Variants in ARB2A observed in about 807,000 individuals in gnomAD.
ARB2A encodes ARB2 cotranscriptional regulator A, also known as cotranscriptional regulator ARB2A.
At chr5:93,743,960 C>A in the ARB2A span, among the ~76,000 whole-genome samples, 1 of 152,192 alleles carries the variant, frequency 6.6e-6, no homozygotes, top group African/African-American at 2.4e-5. Flanking sequence ...GCCATCGCGC[C>A]TGGCTAACAG....
chr5:93,928,231 A>G, the ARB2A span, among the ~76,000 whole-genome samples: 2 of 152,172 alleles, frequency 1.3e-5, no homozygotes, highest in Non-Finnish European at 2.9e-5. Flanking sequence ...AAGAATTGAG[A>G]AAGAACCGAG....
the ARB2A span, among the ~76,000 whole-genome samples, chr5:94,095,885 C>T: frequency 3.1e-4 from 47 of 152,164 alleles, no homozygotes; most frequent in Middle Eastern, 3.4e-3. Flanking sequence ...TTAGGCCTTT[C>T]CCTGCTCATT....
chr5:93,810,692 G>A, the ARB2A span, among the ~76,000 whole-genome samples: 2 of 152,088 alleles, frequency 1.3e-5, no homozygotes, highest in Admixed American at 1.3e-4. Context: ...AAAGGCATGA[G>A]CCACTGTACC....
the ARB2A span, among the ~76,000 whole-genome samples, chr5:93,808,931 A>T: frequency 1.3e-5 from 2 of 152,048 alleles, no homozygotes; most frequent in Non-Finnish European, 2.9e-5. Flanking sequence ...TATAATATAG[A>T]TACTACCAAG....
At chr5:93,686,265 T>C in the ARB2A span, among the ~76,000 whole-genome samples, 3 of 152,174 alleles carry the variant, frequency 2.0e-5, no homozygotes, top group Non-Finnish European at 4.4e-5. Context: ...ATTCAAAAGA[T>C]GCTTCTTTCT....
the ARB2A span, among the ~76,000 whole-genome samples, chr5:94,042,367 G>A: frequency 5.7e-5 from 8 of 141,010 alleles, no homozygotes; most frequent in Non-Finnish European, 9.1e-5. Flanking sequence ...TAGCCCAGGC[G>A]CGACCTCAGC....
the ARB2A span, among the ~76,000 whole-genome samples, chr5:93,898,159 C>T: frequency 6.6e-6 from 1 of 151,958 alleles, no homozygotes; most frequent in Non-Finnish European, 1.5e-5. Flanking sequence ...ATGAGACATA[C>T]GATTTCTTAT....
At chr5:94,074,502 C>T in the ARB2A span, 1 of 581,704 alleles carries the variant, frequency 1.7e-6, no homozygotes, top group Non-Finnish European at 3.0e-6. Flanking sequence ...GTAATAGTTG[C>T]TGTGAGGGAT....
chr5:94,090,400 C>G, the ARB2A span, among the ~76,000 whole-genome samples: 1 of 152,140 alleles, frequency 6.6e-6, no homozygotes. Context: ...GTTGAAGTTG[C>G]TTATCAGCTT....
At chr5:93,912,447 T>C in the ARB2A span, among the ~76,000 whole-genome samples, 1 of 151,814 alleles carries the variant, frequency 6.6e-6, no homozygotes, top group Non-Finnish European at 1.5e-5. Context: ...TTTGAGTTTT[T>C]ATTTCATTAT....
At chr5:93,982,780 C>A in the ARB2A span, among the ~76,000 whole-genome samples, 17 of 152,178 alleles carry the variant, frequency 1.1e-4, no homozygotes, top group Non-Finnish European at 1.9e-4. Context: ...AAGGGAAGGG[C>A]ACAGTGGCTC....
chr5:94,067,541 A>G, the ARB2A span, among the ~76,000 whole-genome samples: 2 of 152,214 alleles, frequency 1.3e-5, no homozygotes, highest in African/African-American at 2.4e-5. Flanking sequence ...CCAATAATAA[A>G]TGAGCTGAGA....
the ARB2A span, chr5:93,739,728 A>G: frequency 1.3e-4 from 20 of 152,308 alleles, no homozygotes; most frequent in African/African-American, 4.8e-4. Flanking sequence ...TGGATAAACT[A>G]TTACAAATAT....
chr5:93,978,158 T>C, the ARB2A span, among the ~76,000 whole-genome samples: 7 of 152,142 alleles, frequency 4.6e-5, no homozygotes, highest in Admixed American at 2.0e-4. Flanking sequence ...ACTTATACAT[T>C]GTTGGTGGGA....
At chr5:94,014,487 A>G in the ARB2A span, among the ~76,000 whole-genome samples, 32 of 152,192 alleles carry the variant, frequency 2.1e-4, no homozygotes, top group African/African-American at 7.0e-4. Flanking sequence ...GGACAAAGAC[A>G]TGCATCCACA....
chr5:93,639,165 T>C, the ARB2A span, among the ~76,000 whole-genome samples: 1 of 152,236 alleles, frequency 6.6e-6, no homozygotes, highest in Non-Finnish European at 1.5e-5. Context: ...GATTTCTTAT[T>C]GATGCACTTC....
At chr5:93,755,057 G>A in the ARB2A span, among the ~76,000 whole-genome samples, 33 of 152,188 alleles carry the variant, frequency 2.2e-4, no homozygotes, top group African/African-American at 7.2e-4. Context: ...ATCAATAATA[G>A]TTTTAAATTA....
the ARB2A span, among the ~76,000 whole-genome samples, chr5:93,876,823 C>A: frequency 6.6e-6 from 1 of 150,836 alleles, no homozygotes; most frequent in South Asian, 2.1e-4. Flanking sequence ...GTGAACATAC[C>A]CCAGTCAGAA....
At chr5:93,781,947 G>T in the ARB2A span, 20 of 984,722 alleles carry the variant, frequency 2.0e-5, 1 homozygote, top group South Asian at 9.4e-4. Flanking sequence ...AAGGAGTCTT[G>T]CAGAGGGGAT....
Sources: gnomAD v4.1 joint callset for allele counts (sites outside exome capture counted in the v4.1 genomes callset) on GRCh38, gnomAD v4.1.1 for gene constraint, MANE v1.5 for transcripts, NCBI Gene and HGNC (gene_info 2026-07-23, HGNC 2026-07-21) for gene names.